Variants in PLCZ1 observed in about 807,000 individuals in gnomAD.
PLCZ1 encodes the protein phospholipase C zeta 1, also known as 1-phosphatidylinositol 4,5-bisphosphate phosphodiesterase zeta-1.
In PLCZ1, 64 loss-of-function variants were observed where a neutral mutation model predicts 76.8. The ratio of observed to expected loss-of-function variants is 0.83; its 90% CI spans 0.68 to 1.03. The LOEUF (loss-of-function observed/expected upper bound fraction) is 1.03. Ranked by LOEUF, PLCZ1 falls within the 50% of genes least tolerant of loss-of-function variation. The pLI is 0.00. For synonymous variants in PLCZ1, 248 were observed against 230.8 expected, an observed-to-expected ratio of 1.07 and a Z score of -0.68; for missense variants, 751 against 713.7, an observed-to-expected ratio of 1.05 and a Z score of -0.60.
At chr12:18,650,700 GTGTGTATATATCTA>G in the PLCZ1 span, among the ~76,000 whole-genome samples, 29 of 43,824 alleles carry the variant, frequency 6.6e-4, 1 homozygote, top group Non-Finnish European at 1.0e-3. Flanking sequence ...GTGTGTGTGT[GTGTGTATATATCTA>G]TATATATATA....
chr12:18,699,724 C>T (rs1955632827), intron 10 of PLCZ1, 70 bp downstream of exon 10: 2 of 1,409,944 alleles, frequency 1.4e-6, no homozygotes, highest in East Asian at 2.3e-5. Context: ...TATCATTGAG[C>T]AATCTTAACA....
chr12:18,690,982 C>T (rs952665174), intron 12 of PLCZ1, among the ~76,000 whole-genome samples: 17 of 152,132 alleles, frequency 1.1e-4, no homozygotes, highest in Admixed American at 7.9e-4. Flanking sequence ...AAAATCTCTC[C>T]GGTCAACTTG....
At chr12:18,708,591 T>A (rs550581584) in intron 6 of PLCZ1, among the ~76,000 whole-genome samples, 4 of 152,290 alleles carry the variant, frequency 2.6e-5, no homozygotes, top group African/African-American at 9.6e-5. Flanking sequence ...CCATGCTGTA[T>A]TCCCATTGGT....
At chr12:18,690,811 A>G (rs1953952511) in intron 12 of PLCZ1, among the ~76,000 whole-genome samples, 1 of 152,166 alleles carries the variant, frequency 6.6e-6, no homozygotes, top group South Asian at 2.1e-4. Context: ...GAGGTGAGTC[A>G]TGGTTAGAGA....
At chr12:18,695,237 TC>T (rs1168201705) in intron 11 of PLCZ1, among the ~76,000 whole-genome samples, 158 bp from the exon 12 acceptor site, 13 of 152,332 alleles carry the variant, frequency 8.5e-5, no homozygotes, top group African/African-American at 2.9e-4. Context: ...AAACTCTTTC[TC>T]CTGCCATGTC....
intron 3 of PLCZ1, 29 bp downstream of exon 3, chr12:18,736,192 G>C (rs71463003): frequency 6.2e-7 from 1 of 1,607,940 alleles, no homozygotes; most frequent in Admixed American, 1.7e-5. Context: ...ACCTAGGATA[G>C]GATAGGCAGG....
the PLCZ1 span, among the ~76,000 whole-genome samples, chr12:18,677,818 A>C: frequency 6.6e-6 from 1 of 152,092 alleles, no homozygotes; most frequent in African/African-American, 2.4e-5. Context: ...AAATATAAGC[A>C]CAAATCTATC....
At chr12:18,676,194 G>A in the PLCZ1 span, among the ~76,000 whole-genome samples, 1 of 152,050 alleles carries the variant, frequency 6.6e-6, no homozygotes. Flanking sequence ...GAAAAAACAA[G>A]AGAAAGAAAC....
chr12:18,720,596 T>C (rs1313832923), intron 4 of PLCZ1, among the ~76,000 whole-genome samples: 1 of 151,882 alleles, frequency 6.6e-6, no homozygotes, highest in Non-Finnish European at 1.5e-5. Context: ...GGATCTACCC[T>C]TATATATTCA....
rs1333992081 is a variant in PLCZ1, at chr12:18,709,636, C to T, written c.714+3206G>A. Among the ~76,000 whole-genome samples the T allele has an allele frequency of 3.9e-5, 6 of 151,972 alleles. No individual in the cohort carries two copies. The South Asian group carries it at 1.0e-3, about 26-fold the overall frequency. ...GTTGTTCACACCTGTAATCCCAGCA[C>T]TTTGGAAGGCCAAGATGAGAGGATC... is the stretch of plus-strand genomic sequence containing the variant. On this transcript the variant is annotated intron_variant, in intron 6 of 14. Coordinates refer to ENST00000266505, the MANE Select transcript of PLCZ1 (RefSeq NM_033123.4).
the PLCZ1 span, among the ~76,000 whole-genome samples, chr12:18,650,477 G>A: frequency 6.8e-6 from 1 of 147,414 alleles, no homozygotes; most frequent in Non-Finnish European, 1.5e-5. Flanking sequence ...GTAAACACTT[G>A]CTAATTAAAT....
At chr12:18,709,196 G>C (rs1956999374) in intron 6 of PLCZ1, among the ~76,000 whole-genome samples, 1 of 151,984 alleles carries the variant, frequency 6.6e-6, no homozygotes, top group Non-Finnish European at 1.5e-5. Flanking sequence ...TGTTGTGTAT[G>C]GTATAAGATA....
Position 18,699,854 on chromosome 12 carries a change from G to T in PLCZ1, c.1114C>A (p.Gln372Lys). 4.3e-6 allele frequency: 7 copies of T among 1,613,190 alleles called. No individual in the cohort carries two copies. Among genetic ancestry groups the T allele is most frequent in the Non-Finnish European group, 5.9e-6 (7 of 1,179,560 alleles). ...KSFQHSRLYQ[Q>K]FNENNSIGET... is the part of the protein sequence containing the mutation. The stretch of plus-strand genomic sequence containing the variant: ...CCAATAGAATTATTTTCATTAAATT[G>T]CTGATATAATCTTGAATGTTGAAAG... Residue 372 changes from glutamine (Q) to lysine (K), a missense_variant, in exon 10 of 15, where the codon CAA becomes AAA. Physicochemically the swap from Gln to Lys is moderately conservative, Grantham distance 53 (BLOSUM62 1). Transcript: ENST00000266505.
At chr12:18,722,885 T>C (rs1958525594) in intron 4 of PLCZ1, among the ~76,000 whole-genome samples, 1 of 152,020 alleles carries the variant, frequency 6.6e-6, no homozygotes, top group African/African-American at 2.4e-5. Context: ...TTTTTTTTCA[T>C]TTAGCACATT....
intron 13 of PLCZ1, chr12:18,685,604 A>T: frequency 1.9e-6 from 1 of 515,774 alleles, no homozygotes; most frequent in Non-Finnish European, 3.9e-6. Context: ...GTCTATGCCC[A>T]CAGAAATAGT....
intron 6 of PLCZ1, among the ~76,000 whole-genome samples, chr12:18,708,138 T>C (rs980243280): frequency 1.3e-5 from 2 of 152,232 alleles, no homozygotes; most frequent in Non-Finnish European, 2.9e-5. Flanking sequence ...TGTGCTACTT[T>C]GTAGCCTCTG....
At chr12:18,732,371 C>T (rs1025065331) in intron 3 of PLCZ1, among the ~76,000 whole-genome samples, 3 of 152,038 alleles carry the variant, frequency 2.0e-5, no homozygotes, top group Non-Finnish European at 4.4e-5. Flanking sequence ...AGACTGGTCT[C>T]GAACTCGTGA....
intron 1 of PLCZ1, 144 bp from the exon 2 acceptor site, chr12:18,737,653 C>G: frequency 1.8e-6 from 1 of 550,960 alleles, no homozygotes; most frequent in East Asian, 3.2e-5. Context: ...TACGTTCTGA[C>G]CACCTCCAAA....
chr12:18,650,698 G>GTA, the PLCZ1 span, among the ~76,000 whole-genome samples: 3 of 29,108 alleles, frequency 1.0e-4, no homozygotes, highest in African/African-American at 1.3e-4. Flanking sequence ...GTGTGTGTGT[G>GTA]TGTGTGTATA....
Sources: gnomAD v4.1 joint callset for allele counts (sites outside exome capture counted in the v4.1 genomes callset) on GRCh38, gnomAD v4.1.1 for gene constraint, MANE v1.5 for transcripts, NCBI Gene and HGNC (gene_info 2026-07-23, HGNC 2026-07-21) for gene names.